The following E2F3 variants were observed in gnomAD, a reference collection of about 807,000 sequenced individuals.
E2F3 encodes transcription factor E2F3.
A neutral mutation model predicts 44.4 loss-of-function variants in E2F3; 11 were observed. That is an observed-to-expected ratio of 0.25 (90% confidence interval 0.16 to 0.41). E2F3 has a LOEUF of 0.41. Among genes scored for constraint, E2F3 ranks in the 10% least tolerant of loss-of-function variants. The pLI is 1.00. For missense variants in E2F3, 487 were observed against 583.6 expected (o/e 0.83, Z 1.70); for synonymous variants, 249 against 253.0 (o/e 0.98, Z 0.15).
intron 1 of E2F3, among the ~76,000 whole-genome samples, chr6:20,436,619 G>T (rs1760594703): frequency 6.6e-6 from 1 of 152,160 alleles, no homozygotes; most frequent in African/African-American, 2.4e-5. Flanking sequence ...TTCTTCCTCT[G>T]TCTCTCTATG....
At chr6:20,430,059 G>A (rs958545280) in intron 1 of E2F3, among the ~76,000 whole-genome samples, 1 of 151,978 alleles carries the variant, frequency 6.6e-6, no homozygotes, top group African/African-American at 2.4e-5. Flanking sequence ...AGTTAAAATA[G>A]GAGGTTATAT....
At chr6:20,485,095 C>A in intron 4 of E2F3, among the ~76,000 whole-genome samples, 1 of 151,960 alleles carries the variant, frequency 6.6e-6, no homozygotes, top group East Asian at 1.9e-4. Context: ...TGCTGAAATG[C>A]CTTCATTGGT....
intron 1 of E2F3, among the ~76,000 whole-genome samples, chr6:20,437,257 G>A (rs974535761): frequency 2.0e-5 from 3 of 152,204 alleles, no homozygotes; most frequent in African/African-American, 7.2e-5. Context: ...GGTAATTTGA[G>A]CAAAATTTGA....
chr6:20,475,279 G>A (rs751603975), intron 1 of E2F3, among the ~76,000 whole-genome samples: 6 of 152,202 alleles, frequency 3.9e-5, no homozygotes, highest in African/African-American at 9.6e-5. Context: ...CCGGTCTTTC[G>A]AAGTTAAGTC....
At chr6:20,439,229 A>G (rs113344373) in intron 1 of E2F3, among the ~76,000 whole-genome samples, 2,742 of 152,292 alleles carry the variant, frequency 0.018, 85 homozygotes, top group African/African-American at 0.062. Context: ...AGAACCATCG[A>G]GGGAATTAAA....
intron 1 of E2F3, among the ~76,000 whole-genome samples, chr6:20,454,385 G>C (rs1761240723): frequency 6.6e-6 from 1 of 152,220 alleles, no homozygotes; most frequent in African/African-American, 2.4e-5. Context: ...GCACTGCCTT[G>C]TGGGCGGATG....
intron 1 of E2F3, among the ~76,000 whole-genome samples, chr6:20,470,155 A>G (rs1461472886): frequency 1.3e-5 from 2 of 152,186 alleles, no homozygotes; most frequent in Non-Finnish European, 2.9e-5. Context: ...ACAGCTCAAG[A>G]GCTGTCACCT....
chr6:20,404,148 GT>G lies in E2F3; in HGVS notation c.393+1527del, dbSNP rs1419426028. The stretch of plus-strand genomic sequence containing the variant: ...CTCGCCAATGGCCGAGTTGAGCTCT[GT>G]TTTCTGTCTTCCTTCCCTTGTGCTG... On this transcript the variant is annotated intron_variant, in intron 1 of 6. Transcript: ENST00000346618. Among the ~76,000 whole-genome samples, 20 of 125,618 alleles carry G rather than the reference GT, an allele frequency of 1.6e-4. 1 individual carries two copies. The highest frequency in any genetic ancestry group is 6.0e-4 in the African/African-American group (20 of 33,178). The allele number at this position is 125,618 out of a possible 152,430, so 82.4% of individuals were successfully genotyped here. A position where few individuals can be genotyped will look rare whatever the true frequency, so the allele number is the denominator to read the frequency against.
chr6:20,481,502 C>G, intron 3 of E2F3, 77 bp downstream of exon 3: 1 of 1,248,804 alleles, frequency 8.0e-7, no homozygotes, highest in Non-Finnish European at 1.2e-6. Context: ...TCCTCACTTT[C>G]ACATCCACGC....
chr6:20,431,744 C>T (rs1760408203), intron 1 of E2F3, among the ~76,000 whole-genome samples: 1 of 152,218 alleles, frequency 6.6e-6, no homozygotes, highest in African/African-American at 2.4e-5. Context: ...TACCTGCACA[C>T]AACTCCTTGT....
chr6:20,447,830 G>GCT (rs952582640), intron 1 of E2F3, among the ~76,000 whole-genome samples: 1 of 152,122 alleles, frequency 6.6e-6, no homozygotes. Context: ...GCAACCAGGA[G>GCT]CTCCAGTTCA....
Position 20,402,398 on chromosome 6 carries a change from G to A in E2F3, c.166G>A (p.Ala56Thr). 3 of 1,610,438 alleles carry A rather than the reference G, an allele frequency of 1.9e-6. No homozygotes were observed. Among genetic ancestry groups the A allele is most frequent in the Middle Eastern group, 1.7e-4 (1 of 6,052 alleles). Residue 56 changes from alanine (A) to threonine (T), a missense_variant, in exon 1 of 7, where the codon GCG becomes ACG. Physicochemically the swap from Ala to Thr is moderately conservative, Grantham distance 58. This residue lies in a region of E2F3 where 238 missense variants were observed against 236.0 expected (regional missense o/e 1.01). Transcript: ENST00000346618. This position sits in a 1 kb window ranked among gnomAD's most constrained non-coding sequence, Gnocchi z 5.6. ...AAAAAAAAPGAYIQILTTNTS... is the reference protein window; with the variant it reads ...AAAAAAAAPGTYIQILTTNTS... ...CGCCGCCGCTGCCGCCGCCCCGGGCGCGTACATCCAGATCCTCACCACGAA... is the reference window on the plus strand; with the variant it reads ...CGCCGCCGCTGCCGCCGCCCCGGGCACGTACATCCAGATCCTCACCACGAA...
In E2F3 at chr6:20,492,613, G is replaced by A; in HGVS notation, c.*2183G>A. ...CTGCACAAAGCTGATTTTTTCCAAA[G>A]TCTAAAGACTGAGCTCACCTGGCTA... is the stretch of plus-strand genomic sequence containing the variant. On this transcript the variant is annotated 3_prime_UTR_variant, in exon 7 of 7. Coordinates refer to ENST00000346618, the MANE Select transcript of E2F3 (RefSeq NM_001949.5). The A allele has an allele frequency of 4.3e-6, 1 of 232,294 alleles. No homozygotes were observed. The highest frequency in any genetic ancestry group is 8.5e-6 in the Non-Finnish European group (1 of 117,170). 14.4% of individuals were successfully genotyped at this position (232,294 alleles called of 1,614,324 possible).
chr6:20,487,480 T>C, intron 5 of E2F3, among the ~76,000 whole-genome samples: 1 of 152,230 alleles, frequency 6.6e-6, no homozygotes, highest in Non-Finnish European at 1.5e-5. Context: ...TCTTAATAGA[T>C]GCAGTTCCTA....
At chr6:20,489,979 G>A (rs1762508102) in intron 6 of E2F3, among the ~76,000 whole-genome samples, 189 bp from the exon 7 acceptor site, 2 of 152,064 alleles carry the variant, frequency 1.3e-5, no homozygotes, top group African/African-American at 4.8e-5. Context: ...ATTAAAAGGG[G>A]GACGGGGGTG....
intron 6 of E2F3, among the ~76,000 whole-genome samples, chr6:20,489,161 G>C (rs1721938628): frequency 6.6e-6 from 1 of 152,200 alleles, no homozygotes; most frequent in Admixed American, 6.5e-5. Flanking sequence ...GGTGATTTAA[G>C]TGAATAAGTC....
intron 1 of E2F3, among the ~76,000 whole-genome samples, chr6:20,464,601 C>T (rs1028743001): frequency 2.0e-5 from 3 of 152,214 alleles, no homozygotes; most frequent in African/African-American, 4.8e-5. Flanking sequence ...TTCTGCTCTA[C>T]GCCCTGTGGC....
At position 20,476,240 on chromosome 6, in the gene E2F3, G is replaced by A. The variant is rs1310680456; in HGVS notation, c.394-3606G>A. ...CAAAAAATTAGCCGGGCGTGGTGGC[G>A]GACGCCTGTAGTCCCAGCTACTCGA... is the stretch of plus-strand genomic sequence containing the variant. On this transcript the variant is annotated intron_variant, in intron 1 of 6. Coordinates refer to ENST00000346618, the MANE Select transcript of E2F3 (RefSeq NM_001949.5). Among the ~76,000 whole-genome samples the A allele has an allele frequency of 2.6e-5, 4 of 152,056 alleles. 1 individual carries two copies. Among genetic ancestry groups the A allele is most frequent in the South Asian group, 4.1e-4 (2 of 4,822 alleles).
chr6:20,443,517 A>T (rs1047436767), intron 1 of E2F3, among the ~76,000 whole-genome samples: 2 of 152,120 alleles, frequency 1.3e-5, no homozygotes, highest in Non-Finnish European at 2.9e-5. Flanking sequence ...AGGTGGGCTG[A>T]TTGGTTGAGC....
Sources: gnomAD v4.1 joint callset for allele counts (sites outside exome capture counted in the v4.1 genomes callset) on GRCh38, gnomAD v4.1.1 for gene constraint, gnomAD v4.1.1 regional missense constraint, Gnocchi (gnomAD v3.1) non-coding constraint, MANE v1.5 for transcripts, NCBI Gene and HGNC (gene_info 2026-07-23, HGNC 2026-07-21) for gene names.